NPNT: variants seen among roughly 807,000 people sequenced by gnomAD.
NPNT encodes nephronectin, also known as preosteoblast EGF-like repeat protein with MAM domain.
NPNT carries 45 observed loss-of-function variants against 68.6 expected under a neutral mutation model. That is an observed-to-expected ratio of 0.66 (90% confidence interval 0.52 to 0.84). The LOEUF is 0.84. NPNT is among the 40% of genes least tolerant of loss of function. NPNT has a pLI of 0.00. For synonymous variants in NPNT, 233 were observed against 253.3 expected, an observed-to-expected ratio of 0.92 and a Z score of 0.76; for missense variants, 672 against 714.8, an observed-to-expected ratio of 0.94 and a Z score of 0.68.
chr4:105,899,291 A>T (rs553125402), intron 2 of NPNT, among the ~76,000 whole-genome samples: 16 of 152,188 alleles, frequency 1.1e-4, no homozygotes, highest in Non-Finnish European at 2.2e-4. Flanking sequence ...CTAATAACCA[A>T]AATGTGAAGA....
At chr4:105,907,911 G>A (rs1418024811) in intron 2 of NPNT, among the ~76,000 whole-genome samples, 5 of 151,980 alleles carry the variant, frequency 3.3e-5, no homozygotes, top group African/African-American at 9.7e-5. Flanking sequence ...CAGAATGAAG[G>A]AGTATATTAC....
At chr4:105,939,528 A>G (rs1277780858) in intron 5 of NPNT, among the ~76,000 whole-genome samples, 1 of 152,198 alleles carries the variant, frequency 6.6e-6, no homozygotes, top group Admixed American at 6.5e-5. Flanking sequence ...AATAGTTAAA[A>G]GATTTTGAGC....
Position 105,942,550 on chromosome 4 carries a change from C to A in NPNT, c.1007C>A (p.Thr336Lys), listed in dbSNP as rs1730066187. 1 of 1,613,986 alleles carries A rather than the reference C, an allele frequency of 6.2e-7. No homozygotes were observed. Among genetic ancestry groups the A allele is most frequent in the Non-Finnish European group, 8.5e-7 (1 of 1,179,988 alleles). The change falls in exon 8 of 12, where the codon ACA becomes AAA. Residue 336 changes from threonine (T) to lysine (K), a missense_variant. Thr to Lys is a moderately conservative substitution (Grantham distance 78). Transcript: ENST00000379987. ...PTPPPPPPLP[T>K]ELRTPLPPTT... ...CCACCACCACCACCACCCCTGCCAA[C>A]AGAGCTCAGAACACCTCTACCACCT...
At chr4:105,947,203 T>C (rs896316310) in intron 8 of NPNT, among the ~76,000 whole-genome samples, 1 of 152,224 alleles carries the variant, frequency 6.6e-6, no homozygotes, top group African/African-American at 2.4e-5. Flanking sequence ...TTGTCTTCCC[T>C]TGTTCCCTAA....
intron 1 of NPNT, among the ~76,000 whole-genome samples, 189 bp from the exon 2 acceptor site, chr4:105,897,712 A>C (rs191048580): frequency 6.2e-4 from 94 of 152,244 alleles, no homozygotes; most frequent in African/African-American, 2.1e-3. Flanking sequence ...TAACTGTCTG[A>C]AATTTGACAT....
chr4:105,896,054 G>A, intron 1 of NPNT: 1 of 357,520 alleles, frequency 2.8e-6, no homozygotes, highest in Non-Finnish European at 5.1e-6. Context: ...CTACGCCGAG[G>A]TGACGCGCGA....
chr4:105,931,066 C>T (rs1431251858), intron 3 of NPNT, among the ~76,000 whole-genome samples: 1 of 152,180 alleles, frequency 6.6e-6, no homozygotes. Context: ...TGGCAAGATT[C>T]TTTGATCATT....
chr4:105,896,023 C>T, intron 1 of NPNT: 2 of 435,554 alleles, frequency 4.6e-6, no homozygotes, highest in South Asian at 6.5e-5. Flanking sequence ...GATCTCGGCT[C>T]TGAGGGCGCG....
chr4:105,915,380 G>C (rs376382539), intron 2 of NPNT, among the ~76,000 whole-genome samples: 4 of 152,046 alleles, frequency 2.6e-5, no homozygotes, highest in South Asian at 2.1e-4. Context: ...GGGCAGTGGC[G>C]GGGGGGCACA....
At chr4:105,954,529 A>T (rs892498549) in intron 8 of NPNT, among the ~76,000 whole-genome samples, 7 of 152,104 alleles carry the variant, frequency 4.6e-5, no homozygotes, top group Admixed American at 3.9e-4. Context: ...TCCTCTGTTA[A>T]TCCTTCAGAG....
At position 105,923,685 on chromosome 4, in the gene NPNT, A is replaced by G. The variant is rs549274113; in HGVS notation, c.173-3651A>G. 3.4e-4 allele frequency among the ~76,000 whole-genome samples: 52 copies of G among 152,270 alleles called. 1 individual carries two copies. In the South Asian group the frequency reaches 0.011, roughly 31 times the overall value. On this transcript the variant is annotated intron_variant, in intron 2 of 11. Coordinates refer to ENST00000379987, the MANE Select transcript of NPNT (RefSeq NM_001033047.3). ...TGACATGCACGTTCTAGGCGAGAAC[A>G]CAGAACAAGCCGTGCTCTTCAGCCC... is the stretch of plus-strand genomic sequence containing the variant.
intron 2 of NPNT, among the ~76,000 whole-genome samples, chr4:105,913,822 A>G (rs902976245): frequency 6.6e-6 from 1 of 152,192 alleles, no homozygotes; most frequent in Non-Finnish European, 1.5e-5. Flanking sequence ...TTCTCTAATA[A>G]TATCCATCCA....
chr4:105,940,699 A>C, intron 7 of NPNT, 63 bp downstream of exon 7: 1 of 1,400,826 alleles, frequency 7.1e-7, no homozygotes, highest in South Asian at 1.2e-5. Context: ...CACAAAGGCC[A>C]TTGCTAGGGA....
At chr4:105,968,288 T>C (rs1169314001) in intron 11 of NPNT, among the ~76,000 whole-genome samples, 3 of 152,200 alleles carry the variant, frequency 2.0e-5, no homozygotes, top group African/African-American at 7.2e-5. Flanking sequence ...ATTTTTATTG[T>C]TTAGAGAAAT....
At chr4:105,896,890 G>A (rs1725902927) in intron 1 of NPNT, among the ~76,000 whole-genome samples, 1 of 152,128 alleles carries the variant, frequency 6.6e-6, no homozygotes, top group African/African-American at 2.4e-5. Context: ...AAGATAAGGA[G>A]ACTTTAAGAA....
chr4:105,926,258 C>G (rs769108894), intron 2 of NPNT, among the ~76,000 whole-genome samples: 9 of 152,082 alleles, frequency 5.9e-5, no homozygotes, highest in African/African-American at 2.2e-4. Context: ...GAATAAGAAA[C>G]GTGGTTTTGT....
chr4:105,958,604 C>T lies in NPNT; in HGVS notation c.1246+47C>T, dbSNP rs763396392. 6 of 1,077,654 alleles carry T rather than the reference C, an allele frequency of 5.6e-6. No homozygotes were observed. In the South Asian group the frequency reaches 1.0e-4, roughly 18 times the overall value. 66.8% of individuals were successfully genotyped at this position (1,077,654 alleles called of 1,614,324 possible). A position where few individuals can be genotyped will look rare whatever the true frequency, so the allele number is the denominator to read the frequency against. On this transcript the variant is annotated intron_variant, in intron 9 of 11. Transcript: ENST00000379987. ...CCATCATAATGACATTTTATTGTTT[C>T]TCTCCATGAAAATAACTTTTAAATG...
intron 8 of NPNT, among the ~76,000 whole-genome samples, chr4:105,945,622 C>G (rs557289792): frequency 6.6e-6 from 1 of 152,298 alleles, no homozygotes; most frequent in African/African-American, 2.4e-5. Flanking sequence ...TTAAGTGTGA[C>G]CTTTTCTCAC....
chr4:105,902,955 C>A (rs1578573629), intron 2 of NPNT, among the ~76,000 whole-genome samples: 1 of 152,180 alleles, frequency 6.6e-6, no homozygotes, highest in East Asian at 1.9e-4. Flanking sequence ...AGGTCTTAAC[C>A]TTTATGGATT....
Sources: allele counts gnomAD v4.1 joint callset (sites outside exome capture counted in the v4.1 genomes callset), GRCh38; gene constraint gnomAD v4.1.1; transcripts MANE v1.5; gene names NCBI Gene and HGNC (gene_info 2026-07-23, HGNC 2026-07-21).